SNTG1: variants seen among roughly 807,000 people sequenced by gnomAD.
SNTG1 encodes the protein gamma-1-syntrophin.
In SNTG1, 39 loss-of-function variants were observed where a neutral mutation model predicts 74.7. The ratio of observed to expected loss-of-function variants is 0.52; its 90% CI spans 0.40 to 0.68. The LOEUF is 0.68. Among genes scored for constraint, SNTG1 ranks in the 30% least tolerant of loss-of-function variants. The probability of loss-of-function intolerance (pLI) is 0.00; values close to 1 mark genes in which losing one functional copy is unlikely to be tolerated. For missense variants in SNTG1, 685 were observed against 609.5 expected (o/e 1.12, Z -1.30); for synonymous variants, 254 against 217.1 (o/e 1.17, Z -1.49).
intron 4 of SNTG1, among the ~76,000 whole-genome samples, chr8:50,424,394 G>A (rs2093135920): frequency 6.6e-6 from 1 of 152,150 alleles, no homozygotes; most frequent in South Asian, 2.1e-4. Context: ...CATCTGTAAG[G>A]TGTACCAATC....
intron 8 of SNTG1, among the ~76,000 whole-genome samples, chr8:50,451,991 G>C (rs1587675938): frequency 6.6e-6 from 1 of 152,228 alleles, no homozygotes; most frequent in African/African-American, 2.4e-5. Flanking sequence ...TAGTTTATTT[G>C]GTTTTTGAAT....
At position 49,993,122 on chromosome 8, in the gene SNTG1, A is replaced by G. The variant is rs564328714; in HGVS notation, c.-103+80891A>G. On this transcript the variant is annotated intron_variant, in intron 1 of 18. Coordinates refer to ENST00000642720, the MANE Select transcript of SNTG1 (RefSeq NM_018967.5). ...ATCTTTAAGAAGTTCAAGGAGAATG[A>G]TACATAAGGGTTTTATTCACCCAAA... is the stretch of plus-strand genomic sequence containing the variant. 2.4e-4 allele frequency among the ~76,000 whole-genome samples: 36 copies of G among 152,260 alleles called. No individual in the cohort carries two copies. In the South Asian group the frequency reaches 7.5e-3, roughly 32 times the overall value.
intron 17 of SNTG1, among the ~76,000 whole-genome samples, chr8:50,730,536 T>A (rs2095510480): frequency 6.6e-6 from 1 of 152,138 alleles, no homozygotes; most frequent in Non-Finnish European, 1.5e-5. Context: ...TAGGAGCAAA[T>A]GGAACAAGAG....
At position 50,560,112 on chromosome 8, in the gene SNTG1, A is replaced by T. The variant is rs186758644; in HGVS notation, c.810+6933A>T. On this transcript the variant is annotated intron_variant, in intron 12 of 18. Coordinates refer to ENST00000642720, the MANE Select transcript of SNTG1 (RefSeq NM_018967.5). ...CACTCATGCAGCCAAAAAACATATT[A>T]AAAAAACCCTCAACATCACTGGTCA... is the stretch of plus-strand genomic sequence containing the variant. Among the ~76,000 whole-genome samples, 114 of 152,226 alleles carry T rather than the reference A, an allele frequency of 7.5e-4. No homozygotes were observed. In the East Asian group the frequency reaches 0.02, roughly 27 times the overall value.
At chr8:50,406,767 G>A (rs1393008108) in intron 4 of SNTG1, among the ~76,000 whole-genome samples, 1 of 152,138 alleles carries the variant, frequency 6.6e-6, no homozygotes, top group Non-Finnish European at 1.5e-5. Flanking sequence ...ATTGAAGTTT[G>A]TCAAATGCTT....
Position 49,959,777 on chromosome 8 carries a change from T to C in SNTG1, c.-103+47546T>C, listed in dbSNP as rs577848514. ...GAACAGCTGTATCCAAGTTTTTGTGTAGAGAAGTATGCTATAATTTACAGT... is the reference window on the plus strand; with the variant it reads ...GAACAGCTGTATCCAAGTTTTTGTGCAGAGAAGTATGCTATAATTTACAGT... On this transcript the variant is annotated intron_variant, in intron 1 of 18. Coordinates refer to ENST00000642720, the MANE Select transcript of SNTG1 (RefSeq NM_018967.5). 1.6e-3 allele frequency among the ~76,000 whole-genome samples: 239 copies of C among 152,312 alleles called. 3 individuals are homozygous for C. Among genetic ancestry groups the C allele is most frequent in the African/African-American group, 5.5e-3 (230 of 41,558 alleles).
intron 17 of SNTG1, among the ~76,000 whole-genome samples, chr8:50,737,544 C>T (rs1010715199): frequency 1.3e-5 from 2 of 152,100 alleles, no homozygotes; most frequent in African/African-American, 4.8e-5. Flanking sequence ...AGGGACTCCT[C>T]CCTAACTCAT....
At chr8:50,377,509 T>C (rs1053961678) in intron 2 of SNTG1, among the ~76,000 whole-genome samples, 1 of 152,200 alleles carries the variant, frequency 6.6e-6, no homozygotes, top group Admixed American at 6.5e-5. Flanking sequence ...GCAGTACTTT[T>C]CTGGAAATGT....
At chr8:50,372,829 C>A (rs933702620) in intron 2 of SNTG1, among the ~76,000 whole-genome samples, 2 of 151,870 alleles carry the variant, frequency 1.3e-5, no homozygotes, top group African/African-American at 4.8e-5. Flanking sequence ...AAACTGCATG[C>A]CGGGTTGAAT....
At chr8:50,247,121 T>C (rs780486819) in intron 2 of SNTG1, among the ~76,000 whole-genome samples, 1 of 152,182 alleles carries the variant, frequency 6.6e-6, no homozygotes, top group Non-Finnish European at 1.5e-5. Context: ...ATCTTAGTCA[T>C]TGGTCCTTTT....
At chr8:50,575,914 C>T (rs1321819839) in intron 12 of SNTG1, among the ~76,000 whole-genome samples, 1 of 152,056 alleles carries the variant, frequency 6.6e-6, no homozygotes, top group Non-Finnish European at 1.5e-5. Context: ...GTTCCTCTTT[C>T]CCTCTGTCTG....
intron 5 of SNTG1, among the ~76,000 whole-genome samples, chr8:50,448,925 G>A (rs1056441381): frequency 3.9e-5 from 6 of 152,104 alleles, no homozygotes; most frequent in African/African-American, 1.2e-4. Context: ...CTACTCGGGA[G>A]GCTGAGGCAG....
chr8:50,597,203 A>G (rs553761263), intron 13 of SNTG1, among the ~76,000 whole-genome samples: 8 of 151,828 alleles, frequency 5.3e-5, no homozygotes, highest in Non-Finnish European at 1.0e-4. Flanking sequence ...TTTACTTAAC[A>G]TAATGTCTTC....
intron 1 of SNTG1, among the ~76,000 whole-genome samples, chr8:50,159,666 T>C (rs945016511): frequency 6.6e-6 from 1 of 152,192 alleles, no homozygotes; most frequent in Non-Finnish European, 1.5e-5. Context: ...GTCATTGTTT[T>C]GCAGCTTCAA....
rs113872734 is a variant in SNTG1 at position 50,291,231 on chromosome 8, G to C, written c.-27-102981G>C. ...CTTATGTGTTTATATATAAGAGAGAGAGACAGACATATGTGTGTGTGTGTG... is the reference window on the plus strand; with the variant it reads ...CTTATGTGTTTATATATAAGAGAGACAGACAGACATATGTGTGTGTGTGTG... On this transcript the variant is annotated intron_variant, in intron 2 of 18. Transcript: ENST00000642720. Among the ~76,000 whole-genome samples, 154 of 119,930 alleles carry C rather than the reference G, an allele frequency of 1.3e-3. 1 individual carries two copies. Among genetic ancestry groups the C allele is most frequent in the African/African-American group, 4.0e-3 (136 of 33,824 alleles). 78.7% of individuals were successfully genotyped at this position (119,930 alleles called of 152,430 possible). A position where few individuals can be genotyped will look rare whatever the true frequency, so the allele number is the denominator to read the frequency against.
At chr8:50,151,179 A>G (rs2082056285) in intron 1 of SNTG1, among the ~76,000 whole-genome samples, 1 of 151,738 alleles carries the variant, frequency 6.6e-6, no homozygotes. Flanking sequence ...TTTCTTCTAG[A>G]TTTTCTAGTT....
chr8:50,210,219 G>A (rs955865759), intron 2 of SNTG1, among the ~76,000 whole-genome samples: 1 of 152,132 alleles, frequency 6.6e-6, no homozygotes, highest in Non-Finnish European at 1.5e-5. Flanking sequence ...CAAGAAATAT[G>A]GGACTATGTG....
At chr8:50,523,009 A>G (rs1267178354) in intron 9 of SNTG1, among the ~76,000 whole-genome samples, 1 of 152,212 alleles carries the variant, frequency 6.6e-6, no homozygotes, top group African/African-American at 2.4e-5. Context: ...TATAGCTTCT[A>G]AAGCTCCTGC....
intron 1 of SNTG1, among the ~76,000 whole-genome samples, chr8:50,009,656 T>G: frequency 6.6e-6 from 1 of 152,212 alleles, no homozygotes; most frequent in African/African-American, 2.4e-5. Context: ...TTTTGCGGTA[T>G]TATAAAGAAA....
Sources: allele counts gnomAD v4.1 joint callset (sites outside exome capture counted in the v4.1 genomes callset), GRCh38; gene constraint gnomAD v4.1.1; transcripts MANE v1.5; gene names NCBI Gene and HGNC (gene_info 2026-07-23, HGNC 2026-07-21).